The following ERBB4 variants were observed in gnomAD, a reference collection of about 807,000 sequenced individuals.
The protein encoded by ERBB4 is receptor tyrosine-protein kinase erbB-4.
ERBB4 carries 42 observed loss-of-function variants against 158.0 expected under a neutral mutation model. The observed-to-expected ratio is 0.27, with a 90% CI of 0.21 to 0.34. ERBB4 has a LOEUF of 0.34. Ranked by LOEUF, ERBB4 falls within the 10% of genes least tolerant of loss-of-function variation. The pLI, the probability that ERBB4 is intolerant of heterozygous loss-of-function variation, is 1.00. For missense variants in ERBB4, 1,333 were observed against 1,624.1 expected (o/e 0.82, Z 3.08); for synonymous variants, 583 against 558.7 (o/e 1.04, Z -0.61).
intron 1 of ERBB4, among the ~76,000 whole-genome samples, chr2:212,389,101 A>G (rs1340691858): frequency 6.6e-6 from 1 of 152,118 alleles, no homozygotes; most frequent in East Asian, 1.9e-4. Flanking sequence ...AAATCTCAAA[A>G]TTTCAGGTGG....
At chr2:211,978,392 G>GTCTTTCTA (rs1165469722) in intron 2 of ERBB4, among the ~76,000 whole-genome samples, 1,999 of 102,270 alleles carry the variant, frequency 0.02, 18 homozygotes, top group Admixed American at 0.036. Flanking sequence ...CTGTCTGTCT[G>GTCTTTCTA]TCTGTCTATC....
chr2:212,037,742 T>G (rs550066633), intron 2 of ERBB4, among the ~76,000 whole-genome samples: 78 of 152,326 alleles, frequency 5.1e-4, no homozygotes, highest in African/African-American at 1.8e-3. Flanking sequence ...GGGGAAGGGA[T>G]GAAAGTAAAA....
At chr2:212,377,783 C>G (rs1399514026) in intron 1 of ERBB4, among the ~76,000 whole-genome samples, 2 of 151,748 alleles carry the variant, frequency 1.3e-5, no homozygotes, top group Admixed American at 6.6e-5. Context: ...CCTTAGCTTA[C>G]CTTAAGGTTA....
chr2:212,354,097 C>A (rs1235327902), intron 1 of ERBB4, among the ~76,000 whole-genome samples: 1 of 152,122 alleles, frequency 6.6e-6, no homozygotes, highest in African/African-American at 2.4e-5. Context: ...CCTGGCTCAT[C>A]CTTACCAATG....
intron 3 of ERBB4, among the ~76,000 whole-genome samples, chr2:211,850,702 G>T (rs1222486208): frequency 6.6e-6 from 1 of 151,860 alleles, no homozygotes; most frequent in Non-Finnish European, 1.5e-5. Context: ...TCATATGGCT[G>T]GTAGGTATTT....
At chr2:212,492,924 T>C (rs1268792064) in intron 1 of ERBB4, among the ~76,000 whole-genome samples, 3 of 151,552 alleles carry the variant, frequency 2.0e-5, no homozygotes, top group African/African-American at 7.2e-5. Context: ...TAGTCATTTA[T>C]TAAATATTTT....
At chr2:211,471,511 A>T (rs2064826965) in intron 20 of ERBB4, among the ~76,000 whole-genome samples, 2 of 152,166 alleles carry the variant, frequency 1.3e-5, no homozygotes, top group South Asian at 4.1e-4. Flanking sequence ...CGCCAAAAAA[A>T]AACTTGTGAG....
intron 3 of ERBB4, among the ~76,000 whole-genome samples, chr2:211,794,934 T>G (rs1412213425): frequency 6.6e-6 from 1 of 151,900 alleles, no homozygotes; most frequent in Non-Finnish European, 1.5e-5. Context: ...AAGTTTGAAA[T>G]TTATTACTAT....
chr2:211,630,523 A>ACAG lies in ERBB4; in HGVS notation c.2015_2017dup (p.Ala672dup). ...TTTGATGCTCTTCCTTCTAACATAA[A>ACAG]CAGCAAATGTCAGACCCACAATGAC... On this transcript the variant is annotated inframe_insertion, in exon 17 of 28. Transcript: ENST00000342788. 3 of 1,613,498 alleles carry ACAG rather than the reference A, an allele frequency of 1.9e-6. No homozygotes were observed. The highest frequency in any genetic ancestry group is 2.5e-6 in the Non-Finnish European group (3 of 1,179,564).
chr2:211,580,859 GCATATACATATATATA>G lies in ERBB4; in HGVS notation c.2302-18787_2302-18772del, dbSNP rs1404078257. 3.1e-3 allele frequency among the ~76,000 whole-genome samples: 208 copies of G among 66,048 alleles called. 42 individuals carry two copies. Among genetic ancestry groups the G allele is most frequent in the Middle Eastern group, 0.025 (3 of 118 alleles). 43.3% of individuals were successfully genotyped at this position (66,048 alleles called of 152,430 possible). ...AGATTATATATTATATATATAGTAT[GCATATACATATATATA>G]TATATATATATATATATATATATAT... On this transcript the variant is annotated intron_variant, in intron 19 of 27. Transcript: ENST00000342788.
intron 25 of ERBB4, among the ~76,000 whole-genome samples, chr2:211,415,640 ATATC>A (rs767667207): frequency 6.6e-6 from 1 of 152,182 alleles, no homozygotes; most frequent in Admixed American, 6.5e-5. Context: ...ATAAAAATAA[ATATC>A]TATATTAAAG....
Position 212,389,111 on chromosome 2 carries a change from G to T in ERBB4, c.82+149338C>A, listed in dbSNP as rs145321384. On this transcript the variant is annotated intron_variant, in intron 1 of 27. Coordinates refer to ENST00000342788, the MANE Select transcript of ERBB4 (RefSeq NM_005235.3). ...GGGCAAAATCTCAAAATTTCAGGTG[G>T]CAGTTTCACAAGCAAGTGCCTAAAT... is the stretch of plus-strand genomic sequence containing the variant. Among the ~76,000 whole-genome samples the T allele has an allele frequency of 8.2e-4, 125 of 152,148 alleles. 1 individual carries two copies. The highest frequency in any genetic ancestry group is 6.8e-3 in the Middle Eastern group (2 of 294).
chr2:211,696,731 G>A (rs1188991102), intron 12 of ERBB4, among the ~76,000 whole-genome samples: 4 of 151,864 alleles, frequency 2.6e-5, no homozygotes, highest in Admixed American at 1.3e-4. Flanking sequence ...GTACAGTGGC[G>A]TGATCTTGGC....
At chr2:211,887,196 T>C (rs1012978806) in intron 3 of ERBB4, among the ~76,000 whole-genome samples, 4 of 151,134 alleles carry the variant, frequency 2.6e-5, no homozygotes, top group Non-Finnish European at 4.4e-5. Flanking sequence ...AATGAAGAGC[T>C]AATATGAAAC....
At chr2:211,670,885 C>CA (rs2071811242) in intron 14 of ERBB4, among the ~76,000 whole-genome samples, 1 of 152,114 alleles carries the variant, frequency 6.6e-6, no homozygotes. Context: ...ACTTTTTTCT[C>CA]ACCTGAAAAC....
intron 1 of ERBB4, among the ~76,000 whole-genome samples, chr2:212,408,932 G>A (rs1278907393): frequency 6.6e-6 from 1 of 152,138 alleles, no homozygotes; most frequent in Non-Finnish European, 1.5e-5. Context: ...AAATCCACAT[G>A]TAGTTTCTCA....
chr2:212,436,201 T>TA (rs1393078277), intron 1 of ERBB4, among the ~76,000 whole-genome samples: 1 of 151,804 alleles, frequency 6.6e-6, no homozygotes, highest in African/African-American at 2.4e-5. Context: ...ACATGGTAAA[T>TA]AAAAAACCTC....
intron 20 of ERBB4, among the ~76,000 whole-genome samples, chr2:211,440,708 T>C (rs1206128021): frequency 1.3e-5 from 2 of 152,162 alleles, no homozygotes; most frequent in Non-Finnish European, 2.9e-5. Flanking sequence ...CCTAAATAAT[T>C]TCAATAACTA....
At chr2:212,153,687 ATAT>A (rs1485056438) in intron 1 of ERBB4, among the ~76,000 whole-genome samples, 22 of 152,166 alleles carry the variant, frequency 1.4e-4, no homozygotes, top group African/African-American at 4.6e-4. Flanking sequence ...TGCTAACCTA[ATAT>A]TATAATTTGC....
Sources: gnomAD v4.1 joint callset for allele counts (sites outside exome capture counted in the v4.1 genomes callset) on GRCh38, gnomAD v4.1.1 for gene constraint, MANE v1.5 for transcripts, NCBI Gene and HGNC (gene_info 2026-07-23, HGNC 2026-07-21) for gene names.